Variants in TYR observed in about 807,000 individuals in gnomAD.
TYR encodes tyrosinase.
TYR carries 58 observed loss-of-function variants against 51.5 expected under a neutral mutation model. That is an observed-to-expected ratio of 1.13 (90% CI 0.91 to 1.40). TYR has a LOEUF of 1.40. TYR is among the 40% of genes most tolerant of loss of function. The probability of loss-of-function intolerance (pLI) is 0.00; values close to 1 mark genes in which losing one functional copy is unlikely to be tolerated. For missense variants in TYR, 732 were observed against 647.4 expected, an observed-to-expected ratio of 1.13 and a Z score of -1.42; for synonymous variants, 263 against 235.2, an observed-to-expected ratio of 1.12 and a Z score of -1.08.
At chr11:89,236,508 C>G (rs1944115816) in intron 3 of TYR, among the ~76,000 whole-genome samples, 1 of 152,114 alleles carries the variant, frequency 6.6e-6, no homozygotes, top group Non-Finnish European at 1.5e-5. Context: ...AAGCAAAGAT[C>G]AAGGTAATTT....
chr11:89,249,471 C>CAA (rs35342940), intron 3 of TYR, among the ~76,000 whole-genome samples: 3,071 of 69,562 alleles, frequency 0.044, 201 homozygotes, highest in African/African-American at 0.13. Context: ...GCCATGTAGC[C>CAA]AAAAAAAAAA....
intron 2 of TYR, among the ~76,000 whole-genome samples, chr11:89,198,813 GT>G (rs1943558731): frequency 6.7e-6 from 1 of 150,294 alleles, no homozygotes; most frequent in Admixed American, 6.6e-5. Flanking sequence ...CAACATGCAG[GT>G]TTGTTACATA....
At chr11:89,189,155 A>G (rs1264292094) in intron 1 of TYR, among the ~76,000 whole-genome samples, 1 of 151,998 alleles carries the variant, frequency 6.6e-6, no homozygotes, top group Non-Finnish European at 1.5e-5. Context: ...GAAGTTGGAA[A>G]ACTTGGGTTG....
At chr11:89,219,721 A>G (rs1329879733) in intron 2 of TYR, among the ~76,000 whole-genome samples, 1 of 152,148 alleles carries the variant, frequency 6.6e-6, no homozygotes, top group Non-Finnish European at 1.5e-5. Context: ...GGTCTTATAC[A>G]ATATCTTGGT....
intron 4 of TYR, among the ~76,000 whole-genome samples, chr11:89,289,771 C>T (rs1944835604): frequency 6.6e-6 from 1 of 151,722 alleles, no homozygotes; most frequent in Admixed American, 6.6e-5. Flanking sequence ...GACGTTTGTG[C>T]CAAATGTCAC....
chr11:89,281,570 C>T (rs767351685), intron 3 of TYR, among the ~76,000 whole-genome samples: 2 of 151,780 alleles, frequency 1.3e-5, no homozygotes, highest in Non-Finnish European at 2.9e-5. Context: ...AATCCAGCTG[C>T]TCCTGCCCCT....
At chr11:89,243,937 T>C (rs1590874587) in intron 3 of TYR, among the ~76,000 whole-genome samples, 1 of 152,164 alleles carries the variant, frequency 6.6e-6, no homozygotes, top group Non-Finnish European at 1.5e-5. Flanking sequence ...TATGCATGTA[T>C]ATTCAAACGC....
chr11:89,226,260 T>C (rs12803764), intron 2 of TYR, among the ~76,000 whole-genome samples: 35,489 of 151,840 alleles, frequency 0.23, 6,516 homozygotes, highest in African/African-American at 0.52. Context: ...CTAACCTTAA[T>C]GTCTAATTTG....
intron 2 of TYR, among the ~76,000 whole-genome samples, chr11:89,217,092 T>A (rs1030144788): frequency 3.3e-5 from 5 of 152,190 alleles, no homozygotes; most frequent in African/African-American, 4.8e-5. Context: ...AATCAAGCAC[T>A]CTTACCATAA....
At chr11:89,294,913 T>C (rs1944889482) in intron 4 of TYR, among the ~76,000 whole-genome samples, 1 of 152,186 alleles carries the variant, frequency 6.6e-6, no homozygotes, top group Non-Finnish European at 1.5e-5. Context: ...ATGTTATCTA[T>C]AAAATTCAAA....
rs548173968 is a variant in TYR, at chr11:89,233,828, C to A, written c.1184+5858C>A. Among the ~76,000 whole-genome samples the A allele has an allele frequency of 7.2e-4, 100 of 139,500 alleles. 14 individuals carry two copies. Among genetic ancestry groups the A allele is most frequent in the African/African-American group, 2.8e-3 (94 of 33,798 alleles). 91.5% of individuals were successfully genotyped at this position (139,500 alleles called of 152,430 possible). A position where few individuals can be genotyped will look rare whatever the true frequency, so the allele number is the denominator to read the frequency against. On this transcript the variant is annotated intron_variant, in intron 3 of 4. Transcript: ENST00000263321. ...TGCTATCATGCAGGCTTTGTTGTTT[C>A]ATTTAAACAACAAAGGCAGAGTAGA...
chr11:89,266,626 TC>T (rs1285717499), intron 3 of TYR, among the ~76,000 whole-genome samples: 1 of 151,996 alleles, frequency 6.6e-6, no homozygotes, highest in Non-Finnish European at 1.5e-5. Flanking sequence ...GCAATAGTCT[TC>T]CACTGCATAT....
At chr11:89,268,150 G>A (rs1944547954) in intron 3 of TYR, among the ~76,000 whole-genome samples, 1 of 151,876 alleles carries the variant, frequency 6.6e-6, no homozygotes, top group East Asian at 1.9e-4. Context: ...TAAAATACAA[G>A]TATAACATAG....
chr11:89,232,920 G>A (rs1944069986), intron 3 of TYR, among the ~76,000 whole-genome samples: 1 of 142,854 alleles, frequency 7.0e-6, no homozygotes, highest in Admixed American at 6.9e-5. Context: ...TGAATGATGA[G>A]GGTGATGGCT....
chr11:89,202,633 A>ACACACACACACACACACG (rs1555086957), intron 2 of TYR, among the ~76,000 whole-genome samples: 1 of 151,662 alleles, frequency 6.6e-6, no homozygotes, highest in Non-Finnish European at 1.5e-5. Context: ...ACACACACAC[A>ACACACACACACACACACG]CACACACACA....
In TYR at chr11:89,211,397, G is replaced by A. The variant is rs368605685; in HGVS notation, c.1037-16426G>A. On this transcript the variant is annotated intron_variant, in intron 2 of 4. Transcript: ENST00000263321. ...TAATGGGATCAATTCAACAAGAAGA[G>A]CTAACTGTCCTAAATATACGTGCAC... 3.9e-5 allele frequency among the ~76,000 whole-genome samples: 6 copies of A among 152,252 alleles called. No homozygotes were observed. The East Asian group carries it at 9.7e-4, about 24-fold the overall frequency.
At chr11:89,282,423 T>A (rs1305156056) in intron 3 of TYR, among the ~76,000 whole-genome samples, 8 of 151,816 alleles carry the variant, frequency 5.3e-5, no homozygotes, top group Non-Finnish European at 1.5e-5. Flanking sequence ...CTACTAAAAA[T>A]TATCTATAAT....
At chr11:89,285,824 C>CTG (rs1215640489) in intron 4 of TYR, among the ~76,000 whole-genome samples, 2 of 151,784 alleles carry the variant, frequency 1.3e-5, no homozygotes, top group African/African-American at 4.8e-5. Context: ...TCTCACCGCA[C>CTG]TGTAATTCAC....
intron 1 of TYR, among the ~76,000 whole-genome samples, chr11:89,179,183 C>G (rs533709939): frequency 6.6e-6 from 1 of 151,994 alleles, no homozygotes; most frequent in Non-Finnish European, 1.5e-5. Flanking sequence ...TTATTCACAA[C>G]AGGATTCATA....
Sources: allele counts gnomAD v4.1 joint callset (sites outside exome capture counted in the v4.1 genomes callset), GRCh38; gene constraint gnomAD v4.1.1; transcripts MANE v1.5; gene names NCBI Gene and HGNC (gene_info 2026-07-23, HGNC 2026-07-21).